The following ADCY9 variants were observed in gnomAD, a reference collection of about 807,000 sequenced individuals.
ADCY9 encodes the protein adenylate cyclase type 9.
ADCY9 carries 50 observed loss-of-function variants against 101.5 expected under a neutral mutation model. That is an observed-to-expected ratio of 0.49 (90% CI 0.39 to 0.62). The LOEUF (loss-of-function observed/expected upper bound fraction) is 0.62. Among genes scored for constraint, ADCY9 ranks in the 20% least tolerant of loss-of-function variants. The pLI, the probability that ADCY9 is intolerant of heterozygous loss-of-function variation, is 0.00. For missense variants in ADCY9, 1,662 were observed against 1,800.4 expected (o/e 0.92, Z 1.39); for synonymous variants, 905 against 769.3 (o/e 1.18, Z -2.92).
intron 2 of ADCY9, among the ~76,000 whole-genome samples, chr16:4,010,900 C>T (rs527837634): frequency 7.9e-5 from 12 of 152,000 alleles, no homozygotes; most frequent in South Asian, 4.1e-4. Context: ...GGGGCTCTCT[C>T]GCTTGCCCTC....
intron 10 of ADCY9, among the ~76,000 whole-genome samples, chr16:3,969,234 ATTTCTTTTTTTCTT>A (rs1160344612): frequency 6.6e-6 from 1 of 151,708 alleles, no homozygotes; most frequent in Non-Finnish European, 1.5e-5. Flanking sequence ...GAGTAGCACA[ATTTCTTTTTTTCTT>A]TTTCTTTTTT....
rs1265711585 is a variant in ADCY9 at position 4,115,854 on chromosome 16, C to A, written c.-208G>T. Reference sequence around the variant, plus strand: ...TGCGGCTCCGGAGGGAAGTTCAGACCTTGAGCGCTCCCAGCCCCGCGAGCC... The same window carrying A: ...TGCGGCTCCGGAGGGAAGTTCAGACATTGAGCGCTCCCAGCCCCGCGAGCC... On this transcript the variant is annotated 5_prime_UTR_variant, in exon 1 of 11. It adds an upstream start codon to the 5' untranslated region. Coordinates refer to ENST00000294016, the MANE Select transcript of ADCY9 (RefSeq NM_001116.4). The surrounding 1 kb of genome is among the most constrained non-coding windows in gnomAD (Gnocchi z 6.2). 1.0e-5 allele frequency: 4 copies of A among 398,740 alleles called. No homozygotes were observed. Among genetic ancestry groups the A allele is most frequent in the Non-Finnish European group, 1.8e-5 (4 of 226,442 alleles). 24.7% of individuals were successfully genotyped at this position (398,740 alleles called of 1,614,324 possible). A position where few individuals can be genotyped will look rare whatever the true frequency, so the allele number is the denominator to read the frequency against.
At chr16:3,999,744 T>TC (rs2056316893) in intron 3 of ADCY9, among the ~76,000 whole-genome samples, 1 of 152,176 alleles carries the variant, frequency 6.6e-6, no homozygotes, top group African/African-American at 2.4e-5. Context: ...CTTTGCTCCT[T>TC]CCCCCATGTG....
chr16:4,053,759 T>C (rs558225348), intron 2 of ADCY9, among the ~76,000 whole-genome samples: 5 of 152,304 alleles, frequency 3.3e-5, no homozygotes, highest in African/African-American at 1.2e-4. Flanking sequence ...TGAGCCCCAT[T>C]GCACAATATC....
At chr16:4,087,493 A>G (rs1413111556) in intron 2 of ADCY9, among the ~76,000 whole-genome samples, 1 of 150,424 alleles carries the variant, frequency 6.6e-6, no homozygotes, top group East Asian at 2.0e-4. Context: ...CTATGATCAC[A>G]TTGCTGCACT....
At chr16:4,041,214 A>C (rs565507145) in intron 2 of ADCY9, among the ~76,000 whole-genome samples, 23 of 152,284 alleles carry the variant, frequency 1.5e-4, no homozygotes, top group African/African-American at 5.3e-4. Context: ...CTAAAGAGCT[A>C]GACTTGGGCT....
intron 2 of ADCY9, among the ~76,000 whole-genome samples, chr16:4,068,026 A>G (rs1348239213): frequency 1.3e-5 from 2 of 152,212 alleles, no homozygotes; most frequent in African/African-American, 4.8e-5. Context: ...AGGTCTTCAA[A>G]TAAGTTTTTC....
At chr16:4,036,526 A>C (rs2056591618) in intron 2 of ADCY9, among the ~76,000 whole-genome samples, 1 of 138,518 alleles carries the variant, frequency 7.2e-6, no homozygotes, top group Non-Finnish European at 1.5e-5. Flanking sequence ...GCAGTGGTGC[A>C]ATCTCGGCTC....
intron 2 of ADCY9, among the ~76,000 whole-genome samples, chr16:4,025,835 A>C (rs1212225155): frequency 6.6e-6 from 1 of 152,168 alleles, no homozygotes; most frequent in Non-Finnish European, 1.5e-5. Context: ...TGGGGACAGC[A>C]AAGTAGGACC....
intron 2 of ADCY9, among the ~76,000 whole-genome samples, chr16:4,024,893 G>C (rs2056503707): frequency 6.6e-6 from 1 of 152,150 alleles, no homozygotes; most frequent in Admixed American, 6.5e-5. Flanking sequence ...AAGCGATAGG[G>C]ACAAGGAGGT....
intron 7 of ADCY9, chr16:3,981,847 C>T (rs2056146304): frequency 6.6e-6 from 1 of 152,232 alleles, no homozygotes; most frequent in Non-Finnish European, 1.5e-5. Context: ...AGGTGATCCA[C>T]CTGCCTTGGC....
At chr16:4,011,503 T>C (rs2056404170) in intron 2 of ADCY9, among the ~76,000 whole-genome samples, 1 of 152,068 alleles carries the variant, frequency 6.6e-6, no homozygotes, top group Non-Finnish European at 1.5e-5. Flanking sequence ...GAAATAACAG[T>C]GGAAACGGGA....
intron 10 of ADCY9, among the ~76,000 whole-genome samples, chr16:3,971,944 G>T (rs560169985): frequency 6.6e-6 from 1 of 152,332 alleles, no homozygotes; most frequent in East Asian, 1.9e-4. Flanking sequence ...CCAGGCAGAG[G>T]AGGGACAGCA....
intron 2 of ADCY9, among the ~76,000 whole-genome samples, chr16:4,064,918 T>A (rs941750477): frequency 6.6e-6 from 1 of 152,236 alleles, no homozygotes; most frequent in Admixed American, 6.5e-5. Flanking sequence ...GGCTGATCCT[T>A]GCCCAGTCCA....
chr16:4,043,835 T>G (rs2056644134), intron 2 of ADCY9, among the ~76,000 whole-genome samples: 1 of 152,000 alleles, frequency 6.6e-6, no homozygotes, highest in South Asian at 2.1e-4. Context: ...CTGCCAAAAT[T>G]TAACAAAAAA....
At chr16:3,969,284 C>A (rs1216627793) in intron 10 of ADCY9, among the ~76,000 whole-genome samples, 2 of 151,664 alleles carry the variant, frequency 1.3e-5, no homozygotes, top group East Asian at 3.9e-4. Flanking sequence ...GTCTCACTCT[C>A]TAGCCCGGGC....
intron 2 of ADCY9, among the ~76,000 whole-genome samples, chr16:4,046,304 G>A (rs2056664400): frequency 6.6e-6 from 1 of 152,148 alleles, no homozygotes; most frequent in Admixed American, 6.6e-5. Context: ...CTGAACCATA[G>A]CACATGCGCA....
chr16:4,068,079 G>T (rs1223745395), intron 2 of ADCY9, among the ~76,000 whole-genome samples: 1 of 151,814 alleles, frequency 6.6e-6, no homozygotes, highest in East Asian at 1.9e-4. Context: ...TACCATTAAT[G>T]ATTTATAATT....
At chr16:4,013,337 C>G (rs1227827913) in intron 2 of ADCY9, among the ~76,000 whole-genome samples, 1 of 152,050 alleles carries the variant, frequency 6.6e-6, no homozygotes, top group Non-Finnish European at 1.5e-5. Context: ...AGGAGAATCG[C>G]TTAAACTTGA....
Sources: gnomAD v4.1 joint callset for allele counts (sites outside exome capture counted in the v4.1 genomes callset) on GRCh38, gnomAD v4.1.1 for gene constraint, Gnocchi (gnomAD v3.1) non-coding constraint, MANE v1.5 for transcripts, NCBI Gene and HGNC (gene_info 2026-07-23, HGNC 2026-07-21) for gene names.